ZER1: variants seen among roughly 807,000 people sequenced by gnomAD.
The protein encoded by ZER1 is protein zer-1 homolog.
In ZER1, 11 loss-of-function variants were observed where a neutral mutation model predicts 78.8. The ratio of observed to expected loss-of-function variants is 0.14; its 90% CI spans 0.09 to 0.23. The LOEUF (loss-of-function observed/expected upper bound fraction) is 0.23. Among genes scored for constraint, ZER1 ranks in the 10% least tolerant of loss-of-function variants. ZER1 has a pLI of 1.00. For synonymous variants in ZER1, 400 were observed against 407.0 expected (o/e 0.98, Z 0.21); for missense variants, 588 against 996.9 (o/e 0.59, Z 5.52).
intron 1 of ZER1, among the ~76,000 whole-genome samples, chr9:128,760,077 T>C (rs1004849840): frequency 6.6e-6 from 1 of 151,676 alleles, no homozygotes; most frequent in Non-Finnish European, 1.5e-5. Context: ...ACAGGGTCTT[T>C]CTGTGTTGCC....
At chr9:128,759,769 T>C (rs553421118) in intron 1 of ZER1, among the ~76,000 whole-genome samples, 1 of 152,192 alleles carries the variant, frequency 6.6e-6, no homozygotes, top group East Asian at 1.9e-4. Flanking sequence ...CACTCCAGTC[T>C]GGGCAACAGA....
At chr9:128,766,788 G>C (rs1864221694) in intron 1 of ZER1, among the ~76,000 whole-genome samples, 1 of 138,972 alleles carries the variant, frequency 7.2e-6, no homozygotes. Flanking sequence ...AGAGGTTGCA[G>C]TGAGCCGAGA....
intron 1 of ZER1, among the ~76,000 whole-genome samples, chr9:128,760,621 G>A (rs369976873): frequency 8.6e-5 from 13 of 151,688 alleles, no homozygotes; most frequent in East Asian, 1.9e-4. Context: ...GTGAAACCCC[G>A]TCTCTACCAA....
chr9:128,734,910 C>T (rs1354919476), intron 14 of ZER1, among the ~76,000 whole-genome samples: 1 of 150,888 alleles, frequency 6.6e-6, no homozygotes, highest in African/African-American at 2.4e-5. Context: ...ATGGGGGTCT[C>T]ACTATGTTGC....
chr9:128,747,952 A>C (rs1863549901), intron 8 of ZER1, among the ~76,000 whole-genome samples: 1 of 152,216 alleles, frequency 6.6e-6, no homozygotes, highest in Non-Finnish European at 1.5e-5. Flanking sequence ...TCAGAAAAGA[A>C]ACATTATTAA....
Position 128,751,108 on chromosome 9 carries a change from G to A in ZER1, c.1185+14C>T, listed in dbSNP as rs1037990796. On this transcript the variant is annotated intron_variant, in intron 7 of 15. Transcript: ENST00000291900. The surrounding 1 kb of genome is among the most constrained non-coding windows in gnomAD (Gnocchi z 5.4). ...GGAGGGACAGGAGGCCAAGGCCCCA[G>A]GCTTGGAGCTGACCTTCAGGGCCCG... 1.9e-6 allele frequency: 3 copies of A among 1,578,550 alleles called. No homozygotes were observed. Among genetic ancestry groups the A allele is most frequent in the African/African-American group, 1.3e-5 (1 of 74,316 alleles).
chr9:128,751,715 A>G lies in ZER1; in HGVS notation c.924-188T>C, dbSNP rs1454955416. Among the ~76,000 whole-genome samples, 3 of 152,194 alleles carry G rather than the reference A, an allele frequency of 2.0e-5. No homozygotes were observed. The highest frequency in any genetic ancestry group is 7.2e-5 in the African/African-American group (3 of 41,446). On this transcript the variant is annotated intron_variant, in intron 5 of 15. Transcript: ENST00000291900. This position sits in a 1 kb window ranked among gnomAD's most constrained non-coding sequence, Gnocchi z 5.4. ...TGATGGAAGCATGGCAAAGCCACAT[A>G]GTAGGGGAACACATAGGATGGGCAA...
intron 1 of ZER1, among the ~76,000 whole-genome samples, chr9:128,757,987 T>C (rs1265020812): frequency 1.3e-5 from 2 of 152,168 alleles, no homozygotes; most frequent in African/African-American, 2.4e-5. Context: ...AGAACCTACA[T>C]GTCCACTGGC....
chr9:128,769,278 C>T (rs575623404), intron 1 of ZER1, among the ~76,000 whole-genome samples: 1 of 152,364 alleles, frequency 6.6e-6, no homozygotes, highest in South Asian at 2.1e-4. Flanking sequence ...TACATGCCCA[C>T]ATTCCTCATC....
In ZER1 at chr9:128,732,634, A is replaced by G. The variant is rs1024500157; in HGVS notation, c.2243+792T>C. ...ACCCACCTCAGCCTCCCAAAGTGCT[A>G]GGATTACAGGTGTGAGCCACTTCGC... On this transcript the variant is annotated intron_variant, in intron 15 of 15. Coordinates refer to ENST00000291900, the MANE Select transcript of ZER1 (RefSeq NM_006336.4). The surrounding 1 kb of genome is among the most constrained non-coding windows in gnomAD (Gnocchi z 4.8). Among the ~76,000 whole-genome samples, 1 of 152,144 alleles carries G rather than the reference A, an allele frequency of 6.6e-6. No homozygotes were observed. Among genetic ancestry groups the G allele is most frequent in the Non-Finnish European group, 1.5e-5 (1 of 68,020 alleles).
At position 128,732,051 on chromosome 9, in the gene ZER1, G is replaced by A. The variant is rs147298588; in HGVS notation, c.2244-657C>T. ...TTGGGGGCTTCACTGCAGCCTCTGT[G>A]TGTTAAAGGGATGCCCCAATACCTT... On this transcript the variant is annotated intron_variant, in intron 15 of 15. Coordinates refer to ENST00000291900, the MANE Select transcript of ZER1 (RefSeq NM_006336.4). The surrounding 1 kb of genome is among the most constrained non-coding windows in gnomAD (Gnocchi z 4.8). 3.1e-3 allele frequency among the ~76,000 whole-genome samples: 474 copies of A among 152,342 alleles called. No homozygotes were observed. Among genetic ancestry groups the A allele is most frequent in the Non-Finnish European group, 6.0e-3 (407 of 68,034 alleles).
intron 4 of ZER1, 108 bp from the exon 5 acceptor site, chr9:128,752,957 C>A: frequency 1.4e-6 from 2 of 1,421,594 alleles, no homozygotes; most frequent in Non-Finnish European, 9.5e-7. Flanking sequence ...ATTCCTGCCA[C>A]AACTTCCCCA....
At chr9:128,768,495 T>C (rs563157906) in intron 1 of ZER1, among the ~76,000 whole-genome samples, 24 of 152,228 alleles carry the variant, frequency 1.6e-4, no homozygotes, top group Admixed American at 2.6e-4. Flanking sequence ...AGAGAGGAGA[T>C]GGAACCTGCC....
intron 1 of ZER1, among the ~76,000 whole-genome samples, chr9:128,760,879 G>A (rs1864019772): frequency 6.6e-6 from 1 of 151,802 alleles, no homozygotes; most frequent in Admixed American, 6.6e-5. Context: ...GGGATAATAG[G>A]CCAGGCGCGG....
intron 8 of ZER1, among the ~76,000 whole-genome samples, chr9:128,744,877 C>T (rs190998671): frequency 2.7e-4 from 41 of 152,278 alleles, no homozygotes; most frequent in African/African-American, 4.3e-4. Flanking sequence ...TATAGTATTC[C>T]ATCATGACAC....
intron 8 of ZER1, among the ~76,000 whole-genome samples, chr9:128,750,367 C>T (rs550723802): frequency 3.3e-5 from 5 of 152,282 alleles, no homozygotes; most frequent in African/African-American, 4.8e-5. Context: ...GCTGAGGAGA[C>T]GGCACAGGCA....
intron 14 of ZER1, 74 bp from the exon 15 acceptor site, chr9:128,733,602 G>A: frequency 7.5e-7 from 1 of 1,342,236 alleles, no homozygotes; most frequent in African/African-American, 1.4e-5. Context: ...AACCCACCCT[G>A]TCTGTGAGGA....
At chr9:128,738,779 TC>T (rs1863184039) in intron 13 of ZER1, among the ~76,000 whole-genome samples, 1 of 151,312 alleles carries the variant, frequency 6.6e-6, no homozygotes, top group African/African-American at 2.4e-5. Context: ...CCTCCTGGGC[TC>T]AAGTGACCCT....
At chr9:128,758,240 C>A (rs1253128161) in intron 1 of ZER1, among the ~76,000 whole-genome samples, 1 of 151,684 alleles carries the variant, frequency 6.6e-6, no homozygotes, top group Non-Finnish European at 1.5e-5. Flanking sequence ...CTGCCTCAGC[C>A]TCCCGAATAC....
Sources: allele counts gnomAD v4.1 joint callset (sites outside exome capture counted in the v4.1 genomes callset), GRCh38; gene constraint gnomAD v4.1.1; non-coding constraint Gnocchi (gnomAD v3.1); transcripts MANE v1.5; gene names NCBI Gene and HGNC (gene_info 2026-07-23, HGNC 2026-07-21).